The following MRPS9 variants were observed in gnomAD, a reference collection of about 807,000 sequenced individuals.
MRPS9 encodes small ribosomal subunit protein uS9m.
A neutral mutation model predicts 59.9 loss-of-function variants in MRPS9; 45 were observed. The ratio of observed to expected loss-of-function variants is 0.75; its 90% CI spans 0.59 to 0.96. The LOEUF is 0.96. Among genes scored for constraint, MRPS9 ranks in the 40% least tolerant of loss-of-function variants. The probability of loss-of-function intolerance (pLI) is 0.00; values close to 1 mark genes in which losing one functional copy is unlikely to be tolerated. For missense variants in MRPS9, 473 were observed against 481.1 expected (o/e 0.98, Z 0.16); for synonymous variants, 171 against 166.8 (o/e 1.03, Z -0.19).
chr2:105,070,777 A>G (rs749073779), intron 2 of MRPS9, among the ~76,000 whole-genome samples: 1 of 152,220 alleles, frequency 6.6e-6, no homozygotes, highest in East Asian at 1.9e-4. Flanking sequence ...GGTGCCTATG[A>G]TGGAGCTGTC....
intron 1 of MRPS9, among the ~76,000 whole-genome samples, chr2:105,047,205 G>A (rs924231414): frequency 2.0e-5 from 3 of 151,912 alleles, no homozygotes; most frequent in African/African-American, 7.2e-5. Flanking sequence ...TGTGAGAAAC[G>A]ATAATGATTG....
chr2:105,079,350 A>G (rs1242083485), intron 4 of MRPS9, among the ~76,000 whole-genome samples: 1 of 150,852 alleles, frequency 6.6e-6, no homozygotes, highest in Non-Finnish European at 1.5e-5. Context: ...CAGAGTTAGC[A>G]TTCGTCTTGT....
intron 7 of MRPS9, chr2:105,092,145 T>C (rs1369598606): frequency 1.9e-5 from 7 of 378,100 alleles, no homozygotes; most frequent in African/African-American, 1.4e-4. Flanking sequence ...TTCATAAACA[T>C]AATACAGAGA....
intron 2 of MRPS9, among the ~76,000 whole-genome samples, chr2:105,062,824 A>C (rs935831545): frequency 6.6e-6 from 1 of 152,232 alleles, no homozygotes; most frequent in Non-Finnish European, 1.5e-5. Context: ...TTTGAACAGC[A>C]CAGATTATAT....
In MRPS9 at chr2:105,089,026, C is replaced by T; in HGVS notation, c.532C>T (p.His178Tyr). 1.2e-6 allele frequency: 2 copies of T among 1,611,506 alleles called. No individual in the cohort carries two copies. The highest frequency in any genetic ancestry group is 2.7e-5 in the African/African-American group (2 of 74,976). Reference protein sequence around the residue: ...MLLNLEKHQSHLQAKSLLPEK... With the variant: ...MLLNLEKHQSYLQAKSLLPEK... The stretch of plus-strand genomic sequence containing the variant: ...ACTCAATTTAGAAAAACATCAAAGT[C>T]ACTTGCAAGCCAAAAGTCTGCTCCC... Residue 178 changes from histidine to tyrosine, a missense_variant, in exon 6 of 11, where the codon CAC becomes TAC. His to Tyr is a moderately conservative substitution (Grantham distance 83, BLOSUM62 2). Transcript: ENST00000258455.
chr2:105,090,102 A>C (rs1428173890), intron 7 of MRPS9, 107 bp downstream of exon 7: 1 of 531,526 alleles, frequency 1.9e-6, no homozygotes, highest in Non-Finnish European at 3.2e-6. Context: ...AGGTGTTCCT[A>C]CGATGACTTT....
chr2:105,069,177 A>G (rs1680058897), intron 2 of MRPS9, among the ~76,000 whole-genome samples: 1 of 150,850 alleles, frequency 6.6e-6, no homozygotes, highest in Non-Finnish European at 1.5e-5. Context: ...ATTATGAGCC[A>G]TATACTTCTT....
In MRPS9 at chr2:105,061,088, C is replaced by T. The variant is rs1477573076; in HGVS notation, c.316-10225C>T. Among the ~76,000 whole-genome samples the T allele has an allele frequency of 3.6e-5, 4 of 109,842 alleles. No individual in the cohort carries two copies. In the Admixed American group the frequency reaches 4.3e-4, roughly 12 times the overall value. 72.1% of individuals were successfully genotyped at this position (109,842 alleles called of 152,430 possible). A position where few individuals can be genotyped will look rare whatever the true frequency, so the allele number is the denominator to read the frequency against. Reference sequence around the variant, plus strand: ...TCGCATCACTGCACTCCAGCCTGGGCGACAGAGCAGGACTCTGTCTCAAAA... The same window carrying T: ...TCGCATCACTGCACTCCAGCCTGGGTGACAGAGCAGGACTCTGTCTCAAAA... On this transcript the variant is annotated intron_variant, in intron 2 of 10. Transcript: ENST00000258455.
chr2:105,042,235 T>C (rs1290884354), intron 1 of MRPS9, among the ~76,000 whole-genome samples: 2 of 152,220 alleles, frequency 1.3e-5, no homozygotes, highest in African/African-American at 4.8e-5. Context: ...AAGGCTCCAC[T>C]GTGGGTGGGG....
chr2:105,058,292 G>A (rs979640061), intron 2 of MRPS9, among the ~76,000 whole-genome samples: 5 of 152,150 alleles, frequency 3.3e-5, no homozygotes, highest in East Asian at 1.9e-4. Context: ...ATTTATAAGC[G>A]AATCAGTAGA....
chr2:105,093,855 T>C (rs1056320560), intron 9 of MRPS9, among the ~76,000 whole-genome samples: 7 of 152,236 alleles, frequency 4.6e-5, no homozygotes, highest in African/African-American at 1.7e-4. Context: ...TAATTGACTC[T>C]TCTTCCCCTT....
At chr2:105,051,201 C>T (rs1679705018) in intron 2 of MRPS9, among the ~76,000 whole-genome samples, 1 of 152,062 alleles carries the variant, frequency 6.6e-6, no homozygotes, top group Non-Finnish European at 1.5e-5. Flanking sequence ...GTCTTTGATC[C>T]ATTTTAACGT....
At chr2:105,054,552 C>A (rs1004214338) in intron 2 of MRPS9, among the ~76,000 whole-genome samples, 1 of 152,172 alleles carries the variant, frequency 6.6e-6, no homozygotes, top group Non-Finnish European at 1.5e-5. Flanking sequence ...TTCGCTGACT[C>A]TTGTGGCATT....
intron 2 of MRPS9, 64 bp downstream of exon 2, chr2:105,049,414 T>C (rs1409440917): frequency 5.1e-6 from 7 of 1,367,144 alleles, no homozygotes; most frequent in Non-Finnish European, 7.1e-6. Flanking sequence ...AAAGCACTTT[T>C]CTTCATGAGC....
chr2:105,065,335 G>A (rs1679980902), intron 2 of MRPS9, among the ~76,000 whole-genome samples: 2 of 152,156 alleles, frequency 1.3e-5, no homozygotes, highest in African/African-American at 4.8e-5. Flanking sequence ...GAAGGTTCAG[G>A]TTCTGGCTTT....
intron 8 of MRPS9, 94 bp downstream of exon 8, chr2:105,092,663 T>C: frequency 8.8e-7 from 1 of 1,133,548 alleles, no homozygotes. Flanking sequence ...TCCATTAGAT[T>C]TTTTATTTGT....
At chr2:105,060,367 C>T (rs1300095369) in intron 2 of MRPS9, among the ~76,000 whole-genome samples, 11 of 152,252 alleles carry the variant, frequency 7.2e-5, no homozygotes, top group South Asian at 2.1e-4. Context: ...CTGCAGCCTC[C>T]GCCTCCTGGG....
At chr2:105,043,936 AT>A (rs747143555) in intron 1 of MRPS9, among the ~76,000 whole-genome samples, 78 of 120,546 alleles carry the variant, frequency 6.5e-4, no homozygotes, top group Admixed American at 1.5e-3. Flanking sequence ...CCCGGCTGCA[AT>A]TTTTTTTTTT....
At chr2:105,095,545 T>C (rs1235545035) in intron 9 of MRPS9, among the ~76,000 whole-genome samples, 7 of 150,440 alleles carry the variant, frequency 4.7e-5, no homozygotes, top group Non-Finnish European at 8.9e-5. Context: ...TTGCCCAGGC[T>C]GGAGTACAGT....
Sources: allele counts gnomAD v4.1 joint callset (sites outside exome capture counted in the v4.1 genomes callset), GRCh38; gene constraint gnomAD v4.1.1; transcripts MANE v1.5; gene names NCBI Gene and HGNC (gene_info 2026-07-23, HGNC 2026-07-21).